The following ANPEP variants were observed in gnomAD, a reference collection of about 807,000 sequenced individuals.
ANPEP encodes the protein aminopeptidase N.
In ANPEP, 70 loss-of-function variants were observed where a neutral mutation model predicts 114.6. The observed-to-expected ratio is 0.61, with a 90% CI of 0.50 to 0.75. The LOEUF (loss-of-function observed/expected upper bound fraction) is 0.75, where lower values mean the gene tolerates loss of function less well. Ranked by LOEUF, ANPEP falls within the 30% of genes least tolerant of loss-of-function variation. The pLI, the probability that ANPEP is intolerant of heterozygous loss-of-function variation, is 0.00. For missense variants in ANPEP, 1,184 were observed against 1,259.5 expected (o/e 0.94, Z 0.91); for synonymous variants, 548 against 522.3 (o/e 1.05, Z -0.67).
chr15:89,793,682 AACAGAGCGAGACTCCATCTC>A (rs1968675843), intron 15 of ANPEP, among the ~76,000 whole-genome samples: 5 of 145,848 alleles, frequency 3.4e-5, no homozygotes, highest in Non-Finnish European at 7.5e-5. Flanking sequence ...CAGCCTGGGT[AACAGAGCGAGACTCCATCTC>A]AAAAAAAAAA....
intron 1 of ANPEP, among the ~76,000 whole-genome samples, chr15:89,811,181 C>T (rs1567163922): frequency 1.3e-5 from 2 of 152,246 alleles, no homozygotes; most frequent in African/African-American, 4.8e-5. Context: ...CTCTACCCGA[C>T]ATTCCTTCCT....
chr15:89,806,321 GTCACCCGGTAGGAATCGGGT>G lies in ANPEP; in HGVS notation c.243_262del (p.Lys81AsnfsTer10). Reference sequence around the variant, plus strand: ...ATTGGGGGTGAGGTACGGTCTCAGCGTCACCCGGTAGGAATCGGGTTTCAGCGTGTTGGGGAGGCGGTAAC... The same window carrying G: ...ATTGGGGGTGAGGTACGGTCTCAGCGTTCAGCGTGTTGGGGAGGCGGTAAC... On this transcript the variant is annotated frameshift_variant, in exon 2 of 21. Transcript: ENST00000300060. LOFTEE classifies it high-confidence loss of function. This position sits in a 1 kb window ranked among gnomAD's most constrained non-coding sequence, Gnocchi z 5.7. The G allele has an allele frequency of 6.2e-7, 1 of 1,614,134 alleles. No individual in the cohort carries two copies. The highest frequency in any genetic ancestry group is 8.5e-7 in the Non-Finnish European group (1 of 1,180,024).
Position 89,803,352 on chromosome 15 carries a change from C to T in ANPEP, c.1504-48G>A, listed in dbSNP as rs758998421. On this transcript the variant is annotated intron_variant, in intron 9 of 20. Transcript: ENST00000300060. The surrounding 1 kb of genome is among the most constrained non-coding windows in gnomAD (Gnocchi z 4.2). The stretch of plus-strand genomic sequence containing the variant: ...GAGAGCACAGCTGGAGCCCCCCAGG[C>T]TCCCCCTCTGTGGTGGGCAGAGGCC... 2 of 1,613,454 alleles carry T rather than the reference C, an allele frequency of 1.2e-6. No individual in the cohort carries two copies. Among genetic ancestry groups the T allele is most frequent in the East Asian group, 2.2e-5 (1 of 44,886 alleles).
At position 89,804,772 on chromosome 15, in the gene ANPEP, A is replaced by G. The variant is rs1250293155; in HGVS notation, c.898-155T>C. On this transcript the variant is annotated intron_variant, in intron 4 of 20. Transcript: ENST00000300060. ...CTAGAGGCCTGGTCAGCAGAGGGGAACGCTACTGGGGTCTGGAGGCTGTGG... is the reference window on the plus strand; with the variant it reads ...CTAGAGGCCTGGTCAGCAGAGGGGAGCGCTACTGGGGTCTGGAGGCTGTGG... 1.4e-5 allele frequency: 16 copies of G among 1,103,888 alleles called. 1 individual carries two copies. The East Asian group carries it at 4.0e-4, about 27-fold the overall frequency. 68.4% of individuals were successfully genotyped at this position (1,103,888 alleles called of 1,614,324 possible). A position where few individuals can be genotyped will look rare whatever the true frequency, so the allele number is the denominator to read the frequency against.
intron 19 of ANPEP, 135 bp from the exon 20 acceptor site, chr15:89,790,676 G>T: frequency 1.2e-6 from 1 of 837,156 alleles, no homozygotes; most frequent in Non-Finnish European, 1.9e-6. Context: ...CTAGGATGTG[G>T]GGGAGTCACA....
intron 11 of ANPEP, 99 bp from the exon 12 acceptor site, chr15:89,801,286 C>CTGAACTCCTGGCCCA: frequency 5.2e-6 from 8 of 1,546,090 alleles, no homozygotes; most frequent in Non-Finnish European, 7.1e-6. Context: ...GCTCTGGCAC[C>CTGAACTCCTGGCCCA]GAGTGCCCCT....
At position 89,804,260 on chromosome 15, in the gene ANPEP, GC is replaced by G; in HGVS notation, c.1171del (p.Ala391ProfsTer9). The G allele has an allele frequency of 6.2e-7, 1 of 1,614,158 alleles. No individual in the cohort carries two copies. Among genetic ancestry groups the G allele is most frequent in the South Asian group, 1.1e-5 (1 of 91,078 alleles). On this transcript the variant is annotated frameshift_variant, in exon 6 of 21. Coordinates refer to ENST00000300060, the MANE Select transcript of ANPEP (RefSeq NM_001150.3). LOFTEE classifies it high-confidence loss of function. ...CCCGAGATGGGGGTCTACCTGGTGG[GC>G]CAGCTCATGAGCAATCACAGTGACC... Reference protein sequence around the residue: ...RVVTVIAHELAHQWFGNLVTI... With the variant: ...RVVTVIAHELXHQWFGNLVTI...
chr15:89,798,553 C>A (rs993952639), intron 14 of ANPEP, among the ~76,000 whole-genome samples: 2 of 150,778 alleles, frequency 1.3e-5, no homozygotes, highest in Admixed American at 6.6e-5. Flanking sequence ...GGGAGAATCG[C>A]TTGAATCTAG....
chr15:89,801,492 G>T lies in ANPEP; in HGVS notation c.1685C>A (p.Ser562Tyr). The T allele has an allele frequency of 6.2e-7, 1 of 1,614,162 alleles. No homozygotes were observed. Among genetic ancestry groups the T allele is most frequent in the Non-Finnish European group, 8.5e-7 (1 of 1,179,988 alleles). ...ITVDTSTGTL[S>Y]QEHFLLDPDS... ...GGGGTCAAGGAGGAAGTGCTCCTGGGAAAGGGTCCCCGTGCTGGTATCCAC... is the reference window on the plus strand; with the variant it reads ...GGGGTCAAGGAGGAAGTGCTCCTGGTAAAGGGTCCCCGTGCTGGTATCCAC... The change falls in exon 11 of 21, where the codon TCC (serine) becomes TAC (tyrosine). Residue 562 changes from serine (S) to tyrosine (Y), a missense_variant. By Grantham distance (144) the Ser-to-Tyr change is moderately radical (BLOSUM62 -2). Transcript: ENST00000300060.
At chr15:89,785,542 T>TG in intron 20 of ANPEP, 41 bp from the exon 21 acceptor site, 1 of 1,517,628 alleles carries the variant, frequency 6.6e-7, no homozygotes, top group Non-Finnish European at 8.8e-7. Context: ...GCTGGGTCCC[T>TG]AACAGCCTTG....
rs755047082 is a variant in ANPEP, at chr15:89,797,692, C to G, written c.2040G>C (p.Leu680=). Residue 680 remains leucine, a synonymous_variant, in exon 15 of 21, where the codon CTG becomes CTC. Coordinates refer to ENST00000300060, the MANE Select transcript of ANPEP (RefSeq NM_001150.3). ...CTTCAATCAGGAAGAGGGTGTTGTT[C>G]AGCGCCAGAGTGACAGGGACCTTAT... ...SAHKVPVTLA[L]NNTLFLIEER... 2 of 1,614,096 alleles carry G rather than the reference C, an allele frequency of 1.2e-6. No individual in the cohort carries two copies. The highest frequency in any genetic ancestry group is 1.7e-6 in the Non-Finnish European group (2 of 1,180,018).
intron 15 of ANPEP, 181 bp downstream of exon 15, chr15:89,797,394 A>T: frequency 1.1e-6 from 1 of 882,140 alleles, no homozygotes; most frequent in Non-Finnish European, 1.6e-6. Flanking sequence ...TCGCTCTTTC[A>T]CCTGCGTGCT....
Position 89,804,630 on chromosome 15 carries a change from A to G in ANPEP, c.898-13T>C. ...CCCAGATCCGGATCTGCAAGGTGTGAGGAAGAAGCAGACCAGGGGCTCCTG... is the reference window on the plus strand; with the variant it reads ...CCCAGATCCGGATCTGCAAGGTGTGGGGAAGAAGCAGACCAGGGGCTCCTG... On this transcript the variant is annotated splice_polypyrimidine_tract_variant and intron_variant, in intron 4 of 20. Transcript: ENST00000300060. 6.2e-7 allele frequency: 1 copy of G among 1,611,984 alleles called. No individual in the cohort carries two copies. Among genetic ancestry groups the G allele is most frequent in the Non-Finnish European group, 8.5e-7 (1 of 1,178,978 alleles).
At chr15:89,795,436 G>T (rs531426929) in intron 15 of ANPEP, among the ~76,000 whole-genome samples, 113 of 152,280 alleles carry the variant, frequency 7.4e-4, no homozygotes, top group African/African-American at 2.6e-3. Context: ...TCCAATACTA[G>T]ATGATGTGAA....
rs146798084 is a variant in ANPEP at position 89,804,241 on chromosome 15, A to C, written c.1179+12T>G. 192 of 1,613,870 alleles carry C rather than the reference A, an allele frequency of 1.2e-4. No individual in the cohort carries two copies. In the African/African-American group the frequency reaches 2.1e-3, roughly 18 times the overall value. On this transcript the variant is annotated intron_variant, in intron 6 of 20. Transcript: ENST00000300060. ...TGTTTCCTTCTCCGCACTCCCCGAGATGGGGGTCTACCTGGTGGGCCAGCT... is the reference window on the plus strand; with the variant it reads ...TGTTTCCTTCTCCGCACTCCCCGAGCTGGGGGTCTACCTGGTGGGCCAGCT...
intron 10 of ANPEP, chr15:89,802,863 C>T (rs944325123): frequency 3.0e-5 from 8 of 269,924 alleles, no homozygotes; most frequent in East Asian, 9.0e-5. Context: ...ATGCCCGTGG[C>T]GCCAGCGGGG....
At chr15:89,790,755 C>T (rs1033701129) in intron 19 of ANPEP, among the ~76,000 whole-genome samples, 198 bp downstream of exon 19, 16 of 152,170 alleles carry the variant, frequency 1.1e-4, no homozygotes, top group African/African-American at 3.4e-4. Context: ...CCACACGCCA[C>T]GTTTTCCTTC....
chr15:89,789,735 T>C (rs1026682744), intron 20 of ANPEP, among the ~76,000 whole-genome samples: 56 of 137,762 alleles, frequency 4.1e-4, no homozygotes, highest in Non-Finnish European at 7.1e-4. Flanking sequence ...ATCATACCAC[T>C]GCACCACTCC....
At chr15:89,812,596 G>T (rs1398697005) in intron 1 of ANPEP, among the ~76,000 whole-genome samples, 2 of 152,106 alleles carry the variant, frequency 1.3e-5, no homozygotes, top group Non-Finnish European at 2.9e-5. Context: ...GTACACATAG[G>T]GTTTGTGTGG....
Sources: gnomAD v4.1 joint callset for allele counts (sites outside exome capture counted in the v4.1 genomes callset) on GRCh38, gnomAD v4.1.1 for gene constraint, Gnocchi (gnomAD v3.1) non-coding constraint, MANE v1.5 for transcripts, NCBI Gene and HGNC (gene_info 2026-07-23, HGNC 2026-07-21) for gene names.